Variants in PRKAR1B observed in about 807,000 individuals in gnomAD.
The protein encoded by PRKAR1B is cAMP-dependent protein kinase type I-beta regulatory subunit.
Under a neutral mutation model 46.5 loss-of-function variants are expected in PRKAR1B, and 22 were observed. That is an observed-to-expected ratio of 0.47 (90% CI 0.34 to 0.68). The LOEUF (loss-of-function observed/expected upper bound fraction) is 0.68, where lower values mean the gene tolerates loss of function less well. PRKAR1B is among the 30% of genes least tolerant of loss of function. The pLI is 0.01. For synonymous variants in PRKAR1B, 259 were observed against 217.7 expected (o/e 1.19, Z -1.67); for missense variants, 445 against 535.6 (o/e 0.83, Z 1.67).
chr7:607,317 T>A (rs1782147001), intron 5 of PRKAR1B, 74 bp downstream of exon 5: 1 of 1,443,724 alleles, frequency 6.9e-7, no homozygotes, highest in South Asian at 1.2e-5. Context: ...CCTGCCCTTA[T>A]GCTATTTTTT....
In PRKAR1B at chr7:644,840, G is replaced by A. The variant is rs951638834; in HGVS notation, c.440+32389C>T. Among the ~76,000 whole-genome samples, 4 of 152,132 alleles carry A rather than the reference G, an allele frequency of 2.6e-5. No individual in the cohort carries two copies. The highest frequency in any genetic ancestry group is 5.9e-5 in the Non-Finnish European group (4 of 68,004). ...AGAGGCTGGACCGGGCAGTGCCGTC[G>A]GCCAAAGGGTCCCGTGTGCTGCAGA... On this transcript the variant is annotated intron_variant, in intron 4 of 10. Coordinates refer to ENST00000537384, the MANE Select transcript of PRKAR1B (RefSeq NM_001164760.2). The surrounding 1 kb of genome is among the most constrained non-coding windows in gnomAD (Gnocchi z 4.9).
intron 2 of PRKAR1B, chr7:691,530 T>C: frequency 2.3e-6 from 3 of 1,304,484 alleles, no homozygotes; most frequent in Non-Finnish European, 2.0e-6. Flanking sequence ...AGAGGAGAGC[T>C]GGGCATTACC....
intron 4 of PRKAR1B, among the ~76,000 whole-genome samples, chr7:656,443 GA>G (rs1785195108): frequency 6.6e-6 from 1 of 152,158 alleles, no homozygotes; most frequent in African/African-American, 2.4e-5. Flanking sequence ...ATAAGTGGGT[GA>G]ATGAATGAGT....
At chr7:554,820 G>A (rs75193772) in intron 9 of PRKAR1B, among the ~76,000 whole-genome samples, 23 of 102,230 alleles carry the variant, frequency 2.2e-4, no homozygotes, top group Admixed American at 1.9e-4. Flanking sequence ...CACGGATCCT[G>A]CAGAGCCGGA....
Position 666,083 on chromosome 7 carries a change from G to T in PRKAR1B, c.440+11146C>A, listed in dbSNP as rs951171493. Among the ~76,000 whole-genome samples, 1 of 152,164 alleles carries T rather than the reference G, an allele frequency of 6.6e-6. No homozygotes were observed. The highest frequency in any genetic ancestry group is 2.4e-5 in the African/African-American group (1 of 41,432). On this transcript the variant is annotated intron_variant, in intron 4 of 10. Coordinates refer to ENST00000537384, the MANE Select transcript of PRKAR1B (RefSeq NM_001164760.2). The surrounding 1 kb of genome is among the most constrained non-coding windows in gnomAD (Gnocchi z 4.9). ...GAGGCCCAACGCACAACACAAACAC[G>T]CACGGTGCCACCCAATTATCACGTT...
chr7:598,035 T>C (rs1781365434), intron 6 of PRKAR1B, among the ~76,000 whole-genome samples: 1 of 152,172 alleles, frequency 6.6e-6, no homozygotes, highest in African/African-American at 2.4e-5. Context: ...GGTGACGGAC[T>C]CCAGGGTCCA....
chr7:708,159 C>A (rs929969567), intron 2 of PRKAR1B, among the ~76,000 whole-genome samples: 1 of 152,058 alleles, frequency 6.6e-6, no homozygotes, highest in East Asian at 1.9e-4. Context: ...AGACATAGAA[C>A]CTTCTCCCAC....
intron 2 of PRKAR1B, among the ~76,000 whole-genome samples, chr7:706,099 G>A (rs906517456): frequency 6.6e-6 from 1 of 152,156 alleles, no homozygotes; most frequent in African/African-American, 2.4e-5. Context: ...GCCGAGTGGG[G>A]AGGACCGCTT....
intron 6 of PRKAR1B, among the ~76,000 whole-genome samples, chr7:600,632 G>C (rs1311196147): frequency 6.6e-6 from 1 of 152,236 alleles, no homozygotes; most frequent in Non-Finnish European, 1.5e-5. Flanking sequence ...CCCCCAGAAA[G>C]AGCTCTTCCC....
chr7:582,317 C>T (rs1391141783), intron 8 of PRKAR1B, among the ~76,000 whole-genome samples: 8 of 152,262 alleles, frequency 5.3e-5, no homozygotes, highest in African/African-American at 1.9e-4. Flanking sequence ...GCACAAAAGC[C>T]GTTCCCAGGT....
chr7:579,086 G>A, intron 9 of PRKAR1B, 170 bp downstream of exon 9: 1 of 985,472 alleles, frequency 1.0e-6, no homozygotes, highest in Non-Finnish European at 1.2e-6. Context: ...TCAGTGGCAG[G>A]AATGTGAGGC....
intron 1 of PRKAR1B, among the ~76,000 whole-genome samples, chr7:724,936 C>G (rs936002747): frequency 3.9e-5 from 6 of 152,190 alleles, no homozygotes; most frequent in Non-Finnish European, 1.5e-5. Context: ...ACTGATGGGC[C>G]GGGCGTGGTG....
At chr7:563,677 G>A (rs112033576) in intron 9 of PRKAR1B, among the ~76,000 whole-genome samples, 4 of 152,188 alleles carry the variant, frequency 2.6e-5, no homozygotes, top group African/African-American at 7.2e-5. Flanking sequence ...GTGTGCACGT[G>A]TGCATACATG....
chr7:692,602 G>A (rs777563602), intron 2 of PRKAR1B, among the ~76,000 whole-genome samples: 1 of 152,168 alleles, frequency 6.6e-6, no homozygotes, highest in African/African-American at 2.4e-5. Context: ...GGTTGGGACC[G>A]CTCCCCTGAC....
rs536050294 is a variant in PRKAR1B, at chr7:584,360, G to A, written c.769+148C>T. On this transcript the variant is annotated intron_variant, in intron 8 of 10. Transcript: ENST00000537384. ...GTGTCATCTGTGCACGTGTCTGTGC[G>A]TGAGCATGCCTGTGTGTTGCACCCC... 70 of 659,220 alleles carry A rather than the reference G, an allele frequency of 1.1e-4. 1 individual carries two copies. The highest frequency in any genetic ancestry group is 1.0e-3 in the South Asian group (58 of 57,052). 40.8% of individuals were successfully genotyped at this position (659,220 alleles called of 1,614,324 possible).
At chr7:720,813 A>G (rs764473899) in intron 1 of PRKAR1B, among the ~76,000 whole-genome samples, 1 of 152,182 alleles carries the variant, frequency 6.6e-6, no homozygotes, top group Non-Finnish European at 1.5e-5. Flanking sequence ...CCATCCTTTT[A>G]CTTTCAATGT....
chr7:679,362 C>T (rs1162624820), intron 3 of PRKAR1B, among the ~76,000 whole-genome samples: 1 of 152,210 alleles, frequency 6.6e-6, no homozygotes, highest in African/African-American at 2.4e-5. Context: ...TCTTCACACT[C>T]TCCTCGTGTG....
At chr7:570,361 C>T (rs1012747864) in intron 9 of PRKAR1B, among the ~76,000 whole-genome samples, 1 of 152,200 alleles carries the variant, frequency 6.6e-6, no homozygotes, top group Non-Finnish European at 1.5e-5. Flanking sequence ...TTCATACCCC[C>T]CGTCAAGGAG....
intron 6 of PRKAR1B, among the ~76,000 whole-genome samples, chr7:605,255 G>A (rs1781948361): frequency 6.6e-6 from 1 of 152,242 alleles, no homozygotes; most frequent in South Asian, 2.1e-4. Context: ...CTCCGCAGGG[G>A]CTCGGGCCTG....
Sources: gnomAD v4.1 joint callset for allele counts (sites outside exome capture counted in the v4.1 genomes callset) on GRCh38, gnomAD v4.1.1 for gene constraint, Gnocchi (gnomAD v3.1) non-coding constraint, MANE v1.5 for transcripts, NCBI Gene and HGNC (gene_info 2026-07-23, HGNC 2026-07-21) for gene names.